The following ASPH variants were observed in gnomAD, a reference collection of about 807,000 sequenced individuals.
ASPH encodes the protein aspartyl/asparaginyl beta-hydroxylase.
Under a neutral mutation model 118.4 loss-of-function variants are expected in ASPH, and 100 were observed. That is an observed-to-expected ratio of 0.84 (90% CI 0.72 to 1.00). The LOEUF (loss-of-function observed/expected upper bound fraction) is 1.00. ASPH is among the 50% of genes least tolerant of loss of function. ASPH has a pLI of 0.00. For synonymous variants in ASPH, 315 were observed against 325.6 expected (o/e 0.97, Z 0.35); for missense variants, 920 against 919.5 (o/e 1.00, Z -0.01).
intron 1 of ASPH, among the ~76,000 whole-genome samples, chr8:61,711,172 G>A (rs911465184): frequency 1.3e-5 from 2 of 152,158 alleles, no homozygotes; most frequent in Non-Finnish European, 2.9e-5. Context: ...AAAAGTTAAT[G>A]TAGTAGCAGG....
At chr8:61,530,415 C>T in intron 21 of ASPH, among the ~76,000 whole-genome samples, 1 of 152,176 alleles carries the variant, frequency 6.6e-6, no homozygotes, top group Admixed American at 6.5e-5. Flanking sequence ...ATATTTTTCA[C>T]TCTAGGCATC....
intron 1 of ASPH, among the ~76,000 whole-genome samples, chr8:61,690,854 A>G (rs1832422938): frequency 6.6e-6 from 1 of 152,234 alleles, no homozygotes. Context: ...ACATTTTTAA[A>G]AAATACACCA....
At chr8:61,698,367 C>T (rs1199170876) in intron 1 of ASPH, among the ~76,000 whole-genome samples, 1 of 152,200 alleles carries the variant, frequency 6.6e-6, no homozygotes, top group Non-Finnish European at 1.5e-5. Context: ...AGTTACGTTA[C>T]GATTTACTAC....
chr8:61,676,354 A>T, intron 3 of ASPH: 1 of 1,540,298 alleles, frequency 6.5e-7, no homozygotes, highest in Non-Finnish European at 8.7e-7. Flanking sequence ...AGAGAAAATA[A>T]GGAGAGCAGT....
At chr8:61,562,341 C>G (rs1461727870) in intron 18 of ASPH, among the ~76,000 whole-genome samples, 1 of 133,112 alleles carries the variant, frequency 7.5e-6, no homozygotes, top group Non-Finnish European at 1.5e-5. Flanking sequence ...TAGCCTCTCT[C>G]TAGACCATAC....
At chr8:61,548,358 G>T in intron 20 of ASPH, 150 bp from the exon 21 acceptor site, 1 of 971,476 alleles carries the variant, frequency 1.0e-6, no homozygotes. Context: ...TTGAAATCTG[G>T]TGAAAATATT....
Position 61,564,379 on chromosome 8 carries a change from A to G in ASPH, c.1301-1499T>C, listed in dbSNP as rs751262417. Among the ~76,000 whole-genome samples, 83 of 150,790 alleles carry G rather than the reference A, an allele frequency of 5.5e-4. 1 individual carries two copies. Among genetic ancestry groups the G allele is most frequent in the Non-Finnish European group, 5.9e-4 (40 of 67,768 alleles). Reference sequence around the variant, plus strand: ...AGTGGCATGATCTCGGCTCACTGCAATCTCTGCCTTCCGGGTTCAAGTGAT... The same window carrying G: ...AGTGGCATGATCTCGGCTCACTGCAGTCTCTGCCTTCCGGGTTCAAGTGAT... On this transcript the variant is annotated intron_variant, in intron 17 of 24. Coordinates refer to ENST00000379454, the MANE Select transcript of ASPH (RefSeq NM_004318.4).
intron 15 of ASPH, chr8:61,583,555 A>G (rs1838293408): frequency 6.2e-6 from 1 of 161,308 alleles, no homozygotes; most frequent in Non-Finnish European, 1.3e-5. Context: ...AAAAAAAAAA[A>G]AAAAATTCTC....
intron 12 of ASPH, among the ~76,000 whole-genome samples, chr8:61,636,708 T>G (rs1857938243): frequency 6.6e-6 from 1 of 152,216 alleles, no homozygotes; most frequent in African/African-American, 2.4e-5. Context: ...ATTGCATAGT[T>G]CTTTTCTATA....
chr8:61,589,641 C>A (rs1172980715), intron 14 of ASPH, among the ~76,000 whole-genome samples: 1 of 152,192 alleles, frequency 6.6e-6, no homozygotes, highest in Non-Finnish European at 1.5e-5. Context: ...AAAACACTGG[C>A]CGTTCCTCAG....
At chr8:61,570,798 A>G (rs1833255382) in intron 16 of ASPH, among the ~76,000 whole-genome samples, 1 of 152,190 alleles carries the variant, frequency 6.6e-6, no homozygotes, top group Non-Finnish European at 1.5e-5. Context: ...TAACTAATTC[A>G]CCCAACCAAT....
chr8:61,678,492 T>C (rs1243740563), intron 3 of ASPH, among the ~76,000 whole-genome samples: 1 of 152,018 alleles, frequency 6.6e-6, no homozygotes, highest in Non-Finnish European at 1.5e-5. Flanking sequence ...ATAATAAAAT[T>C]AATGATGGTT....
intron 1 of ASPH, among the ~76,000 whole-genome samples, chr8:61,712,387 A>T (rs987119017): frequency 6.6e-6 from 1 of 152,234 alleles, no homozygotes. Context: ...TCTGGCACAC[A>T]GTAAGAACTC....
At chr8:61,568,318 A>G (rs1432473118) in intron 16 of ASPH, among the ~76,000 whole-genome samples, 1 of 152,170 alleles carries the variant, frequency 6.6e-6, no homozygotes, top group East Asian at 1.9e-4. Context: ...GTCAGATTAT[A>G]GATACATTTT....
chr8:61,646,699 A>G, intron 6 of ASPH, 51 bp downstream of exon 6: 1 of 1,547,036 alleles, frequency 6.5e-7, no homozygotes, highest in Non-Finnish European at 8.7e-7. Flanking sequence ...TTCAGTAATT[A>G]GAAGTCATTG....
At chr8:61,565,759 G>A (rs1057086348) in intron 17 of ASPH, among the ~76,000 whole-genome samples, 1 of 152,224 alleles carries the variant, frequency 6.6e-6, no homozygotes, top group African/African-American at 2.4e-5. Context: ...TGAGAGAGGA[G>A]AAGTCAATGC....
At chr8:61,537,109 G>A (rs1329369165) in intron 21 of ASPH, among the ~76,000 whole-genome samples, 1 of 152,164 alleles carries the variant, frequency 6.6e-6, no homozygotes, top group Non-Finnish European at 1.5e-5. Flanking sequence ...GATGGCAGAG[G>A]AGAACCATAT....
At chr8:61,617,757 C>A (rs1849510900) in intron 14 of ASPH, among the ~76,000 whole-genome samples, 1 of 151,670 alleles carries the variant, frequency 6.6e-6, no homozygotes, top group African/African-American at 2.4e-5. Flanking sequence ...CATGGTGAAA[C>A]CCTGTCTCTA....
At chr8:61,536,749 A>G (rs1267625909) in intron 21 of ASPH, among the ~76,000 whole-genome samples, 1 of 152,220 alleles carries the variant, frequency 6.6e-6, no homozygotes, top group Non-Finnish European at 1.5e-5. Flanking sequence ...TACTAGATAC[A>G]GAAGTCTGGC....
Sources: gnomAD v4.1 joint callset for allele counts (sites outside exome capture counted in the v4.1 genomes callset) on GRCh38, gnomAD v4.1.1 for gene constraint, MANE v1.5 for transcripts, NCBI Gene and HGNC (gene_info 2026-07-23, HGNC 2026-07-21) for gene names.